SNRNP200: variants seen among roughly 807,000 people sequenced by gnomAD.
The protein encoded by SNRNP200 is small nuclear ribonucleoprotein U5 subunit 200.
A neutral mutation model predicts 255.2 loss-of-function variants in SNRNP200; 66 were observed. The ratio of observed to expected loss-of-function variants is 0.26; its 90% CI spans 0.21 to 0.32. The LOEUF is 0.32. SNRNP200 is among the 10% of genes least tolerant of loss of function. SNRNP200 has a pLI of 1.00. For missense variants in SNRNP200, 1,585 were observed against 2,749.8 expected (o/e 0.58, Z 9.47); for synonymous variants, 939 against 1,027.8 (o/e 0.91, Z 1.65).
Position 96,286,121 on chromosome 2 carries a change from A to G in SNRNP200, c.4003+190T>C, listed in dbSNP as rs1056580211. ...CTTGCTCTATTGCCCCTCCACAGTG[A>G]CACATGCAGAGCAGCAAAGCAACCA... On this transcript the variant is annotated intron_variant, in intron 29 of 44. Transcript: ENST00000323853. The surrounding 1 kb of genome is among the most constrained non-coding windows in gnomAD (Gnocchi z 4.8). Among the ~76,000 whole-genome samples the G allele has an allele frequency of 6.6e-6, 1 of 152,200 alleles. No homozygotes were observed. Among genetic ancestry groups the G allele is most frequent in the African/African-American group, 2.4e-5 (1 of 41,454 alleles).
rs1201856710 is a variant in SNRNP200 at position 96,277,834 on chromosome 2, C to T, written c.5727G>A (p.Gln1909=). ...LSRMQLSAEL[Q]SDTEEILSKA... ...TACTAAGGATTTCCTCCGTATCTGA[C>T]TGCAACTCAGCACTCAGCTGCATGC... The change falls in exon 40 of 45, where the codon CAG becomes CAA. Residue 1909 remains glutamine, a synonymous_variant. Transcript: ENST00000323853. The surrounding 1 kb of genome is among the most constrained non-coding windows in gnomAD (Gnocchi z 4.4). The T allele has an allele frequency of 1.9e-6, 3 of 1,614,152 alleles. No homozygotes were observed. Among genetic ancestry groups the T allele is most frequent in the East Asian group, 4.5e-5 (2 of 44,902 alleles).
chr2:96,294,973 G>T (rs556311706), intron 14 of SNRNP200, among the ~76,000 whole-genome samples: 1 of 152,214 alleles, frequency 6.6e-6, no homozygotes, highest in Non-Finnish European at 1.5e-5. Flanking sequence ...AACTTTGGGA[G>T]GCTGAGGTGG....
Position 96,301,604 on chromosome 2 carries a change from T to G in SNRNP200, c.494A>C (p.Asp165Ala). Residue 165 changes from aspartate to alanine, a missense_variant, in exon 4 of 45, where the codon GAT (aspartate) becomes GCT (alanine). By Grantham distance (126) the Asp-to-Ala change is moderately radical. Coordinates refer to ENST00000323853, the MANE Select transcript of SNRNP200 (RefSeq NM_014014.5). Reference sequence around the variant, plus strand: ...CACTAGCACATGGTATCTGGTATCATCTGTTTGACCCAGCAGCAGGTCAAT... The same window carrying G: ...CACTAGCACATGGTATCTGGTATCAGCTGTTTGACCCAGCAGCAGGTCAAT... ...KEIDLLLGQT[D>A]DTRYHVLVNL... 1 of 1,614,196 alleles carries G rather than the reference T, an allele frequency of 6.2e-7. No individual in the cohort carries two copies. Among genetic ancestry groups the G allele is most frequent in the Non-Finnish European group, 8.5e-7 (1 of 1,180,044 alleles).
At chr2:96,301,195 A>G (rs548350901) in intron 4 of SNRNP200, 142 bp from the exon 5 acceptor site, 19 of 775,172 alleles carry the variant, frequency 2.5e-5, no homozygotes, top group Middle Eastern at 2.2e-4. Flanking sequence ...GATGATCAAC[A>G]TGAGAGAGCC....
intron 16 of SNRNP200, among the ~76,000 whole-genome samples, chr2:96,292,718 T>C (rs1483460211): frequency 6.6e-6 from 1 of 152,234 alleles, no homozygotes; most frequent in African/African-American, 2.4e-5. Context: ...GTTTTGCTAG[T>C]TAACTGGTAG....
chr2:96,287,797 C>T lies in SNRNP200; in HGVS notation c.3365+66G>A. The T allele has an allele frequency of 7.4e-7, 1 of 1,353,286 alleles. No individual in the cohort carries two copies. The highest frequency in any genetic ancestry group is 1.1e-6 in the Non-Finnish European group (1 of 941,934). The allele number at this position is 1,353,286 out of a possible 1,614,324, so 83.8% of individuals were successfully genotyped here. ...AGATCAGATGCACCCTGAGGCTTTC[C>T]CATCAGACCCTTGGGTTGGGGACCC... On this transcript the variant is annotated intron_variant, in intron 25 of 44. Transcript: ENST00000323853. This position sits in a 1 kb window ranked among gnomAD's most constrained non-coding sequence, Gnocchi z 5.7.
intron 43 of SNRNP200, among the ~76,000 whole-genome samples, chr2:96,276,197 A>G (rs1210868403): frequency 1.3e-5 from 2 of 152,170 alleles, no homozygotes; most frequent in East Asian, 3.9e-4. Context: ...TCTGCTATCA[A>G]CCTTCAATTA....
chr2:96,292,930 G>A (rs568272581), intron 16 of SNRNP200, 42 bp downstream of exon 16: 88 of 1,609,218 alleles, frequency 5.5e-5, no homozygotes, highest in African/African-American at 3.7e-4. Context: ...TCAAACATTC[G>A]AAAGAATGGG....
chr2:96,284,609 GAAC>G (rs1222551166), intron 30 of SNRNP200, 24 bp from the exon 31 acceptor site: 8 of 1,510,830 alleles, frequency 5.3e-6, no homozygotes, highest in Admixed American at 1.7e-5. Flanking sequence ...GAGGGAGGCA[GAAC>G]AACACTAGGC....
At position 96,276,907 on chromosome 2, in the gene SNRNP200, C is replaced by T. The variant is rs1302937477; in HGVS notation, c.6171G>A (p.Pro2057=). The T allele has an allele frequency of 4.3e-6, 7 of 1,613,950 alleles. No individual in the cohort carries two copies. Among genetic ancestry groups the T allele is most frequent in the East Asian group, 2.2e-5 (1 of 44,892 alleles). ...VTGPVIAPLF[P]QKREEGWWVV... ...CAAGCCAGCTACCAGGACGCACCTG[C>T]GGGAAGAGAGGCGCAATGACAGGGC... The change falls in exon 43 of 45, where the codon CCG becomes CCA. Residue 2057 remains proline (P), a synonymous_variant. Transcript: ENST00000323853.
intron 34 of SNRNP200, chr2:96,282,820 T>G: frequency 2.9e-6 from 1 of 339,004 alleles, no homozygotes; most frequent in Non-Finnish European, 5.7e-6. Flanking sequence ...CAATTAAACC[T>G]CCTTTCTTTA....
rs1457749146 is a variant in SNRNP200 at position 96,304,758 on chromosome 2, C to A, written c.156G>T (p.Met52Ile). 6.2e-7 allele frequency: 1 copy of A among 1,614,192 alleles called. No homozygotes were observed. The highest frequency in any genetic ancestry group is 1.7e-5 in the Admixed American group (1 of 60,018). ...GTTTGGTCCGTTGAGCCTTGTCTCC[C>A]ATACGGGTGCCCTCCAGCTTCCCAA... ...SLVGKLEGTR[M>I]GDKAQRTKPQ... The change falls in exon 2 of 45, where the codon ATG becomes ATT. Residue 52 changes from methionine to isoleucine, a missense_variant. Transcript: ENST00000323853.
chr2:96,291,330 G>T lies in SNRNP200; in HGVS notation c.2421+62C>A. ...CCAGGAGCAAACATGGCACAAACTT[G>T]ACATTGCCCATCTTCTGAAGTATGT... On this transcript the variant is annotated intron_variant, in intron 18 of 44. Coordinates refer to ENST00000323853, the MANE Select transcript of SNRNP200 (RefSeq NM_014014.5). This position sits in a 1 kb window ranked among gnomAD's most constrained non-coding sequence, Gnocchi z 4.2. 1 of 952,220 alleles carries T rather than the reference G, an allele frequency of 1.1e-6. No homozygotes were observed. Among genetic ancestry groups the T allele is most frequent in the Non-Finnish European group, 1.7e-6 (1 of 576,000 alleles). The allele number at this position is 952,220 out of a possible 1,614,324, so 59.0% of individuals were successfully genotyped here.
rs1305192356 is a variant in SNRNP200, at chr2:96,293,327, G to A, written c.2025C>T (p.Tyr675=). ...GTCTTTCCTGATACCTGTTGTCAAAGTAAAAGAGACCCTTGGCAGGGTCAA... is the reference window on the plus strand; with the variant it reads ...GTCTTTCCTGATACCTGTTGTCAAAATAAAAGAGACCCTTGGCAGGGTCAA... The part of the protein sequence containing the change: ...LRVDPAKGLF[Y]FDNSFRPVPL... Residue 675 remains tyrosine, a synonymous_variant, in exon 15 of 45, where the codon TAC becomes TAT. Coordinates refer to ENST00000323853, the MANE Select transcript of SNRNP200 (RefSeq NM_014014.5). 1.4e-5 allele frequency: 23 copies of A among 1,614,150 alleles called. No homozygotes were observed. Among genetic ancestry groups the A allele is most frequent in the Non-Finnish European group, 1.9e-5 (22 of 1,179,970 alleles).
In SNRNP200 at chr2:96,278,630, A is replaced by T; in HGVS notation, c.5405T>A (p.Ile1802Asn). The stretch of plus-strand genomic sequence containing the variant: ...CACGTCCATCTCGTCCTCGATGCTG[A>T]TGCACTTGGACTGCTCCAGGTCACT... ...TLSDLEQSKC[I>N]SIEDEMDVAP... The change falls in exon 38 of 45, where the codon ATC becomes AAC. Residue 1802 changes from isoleucine to asparagine, a missense_variant. By Grantham distance (149) the Ile-to-Asn change is moderately radical. Transcript: ENST00000323853. This position sits in a 1 kb window ranked among gnomAD's most constrained non-coding sequence, Gnocchi z 6.9. 1 of 1,614,188 alleles carries T rather than the reference A, an allele frequency of 6.2e-7. No individual in the cohort carries two copies. The highest frequency in any genetic ancestry group is 8.5e-7 in the Non-Finnish European group (1 of 1,180,026).
At chr2:96,294,556 T>C (rs945797544) in intron 14 of SNRNP200, among the ~76,000 whole-genome samples, 1 of 152,138 alleles carries the variant, frequency 6.6e-6, no homozygotes, top group Admixed American at 6.5e-5. Flanking sequence ...AACAAATGGG[T>C]GTAACTATGT....
At chr2:96,299,206 GT>G in intron 6 of SNRNP200, 122 bp downstream of exon 6, 1 of 1,001,716 alleles carries the variant, frequency 1.0e-6, no homozygotes, top group Non-Finnish European at 1.6e-6. Flanking sequence ...GACACTAAGT[GT>G]TTATTATAGT....
In SNRNP200 at chr2:96,296,675, T is replaced by G. The variant is rs2063919035; in HGVS notation, c.1532A>C (p.Asn511Thr). 6.2e-7 allele frequency: 1 copy of G among 1,614,112 alleles called. No homozygotes were observed. Among genetic ancestry groups the G allele is most frequent in the Non-Finnish European group, 8.5e-7 (1 of 1,180,016 alleles). The change falls in exon 13 of 45, where the codon AAC becomes ACC. Residue 511 changes from asparagine (N) to threonine (T), a missense_variant. Asn to Thr is a moderately conservative substitution (Grantham distance 65, BLOSUM62 0). Around this residue, in one of 9 missense-constraint regions of SNRNP200, gnomAD observed 383 missense variants for 645.3 expected, o/e 0.59. Transcript: ENST00000323853. Reference sequence around the variant, plus strand: ...TCGGAGCATGCACATCAGGGCCACGTTGGTCTTCCCAGCACCCTACGGGAG... The same window carrying G: ...TCGGAGCATGCACATCAGGGCCACGGTGGTCTTCCCAGCACCCTACGGGAG... Reference protein sequence around the residue: ...LCAPTGAGKTNVALMCMLREI... With the variant: ...LCAPTGAGKTTVALMCMLREI...
chr2:96,288,862 T>C, intron 23 of SNRNP200, 116 bp from the exon 24 acceptor site: 1 of 1,038,104 alleles, frequency 9.6e-7, no homozygotes, highest in Non-Finnish European at 1.5e-6. Context: ...GGTCTTGATT[T>C]ACAAATACTA....
Sources: allele counts gnomAD v4.1 joint callset (sites outside exome capture counted in the v4.1 genomes callset), GRCh38; gene constraint gnomAD v4.1.1; regional missense constraint gnomAD v4.1.1; non-coding constraint Gnocchi (gnomAD v3.1); transcripts MANE v1.5; gene names NCBI Gene and HGNC (gene_info 2026-07-23, HGNC 2026-07-21).